HS3ST4: variants seen among roughly 807,000 people sequenced by gnomAD.
The protein encoded by HS3ST4 is heparan sulfate glucosamine 3-O-sulfotransferase 4.
In HS3ST4, 17 loss-of-function variants were observed where a neutral mutation model predicts 29.2. The ratio of observed to expected loss-of-function variants is 0.58; its 90% CI spans 0.40 to 0.87. The LOEUF (loss-of-function observed/expected upper bound fraction) is 0.87. Ranked by LOEUF, HS3ST4 falls within the 40% of genes least tolerant of loss-of-function variation. HS3ST4 has a pLI of 0.00. For synonymous variants in HS3ST4, 314 were observed against 285.7 expected, an observed-to-expected ratio of 1.10 and a Z score of -1.00; for missense variants, 627 against 634.5, an observed-to-expected ratio of 0.99 and a Z score of 0.13.
intron 1 of HS3ST4, among the ~76,000 whole-genome samples, chr16:25,996,111 G>A (rs1042513272): frequency 6.6e-6 from 1 of 151,922 alleles, no homozygotes; most frequent in African/African-American, 2.4e-5. Flanking sequence ...GCAAAGAAAC[G>A]ATGAGAGACC....
At chr16:26,103,391 A>C (rs994973359) in intron 1 of HS3ST4, among the ~76,000 whole-genome samples, 1 of 152,126 alleles carries the variant, frequency 6.6e-6, no homozygotes, top group Non-Finnish European at 1.5e-5. Context: ...TGGAATTACA[A>C]TTCTTCTCTA....
intron 1 of HS3ST4, among the ~76,000 whole-genome samples, chr16:25,722,123 T>G (rs1264032603): frequency 1.3e-5 from 2 of 152,252 alleles, no homozygotes; most frequent in African/African-American, 2.4e-5. Flanking sequence ...CCTGAAGGAT[T>G]CTACTGGGAG....
chr16:25,744,563 A>G (rs897700544), intron 1 of HS3ST4, among the ~76,000 whole-genome samples: 16 of 151,994 alleles, frequency 1.1e-4, no homozygotes, highest in African/African-American at 3.9e-4. Flanking sequence ...TATCATCATC[A>G]TCATCATCAT....
At chr16:26,062,342 A>G (rs1375793520) in intron 1 of HS3ST4, among the ~76,000 whole-genome samples, 1 of 152,168 alleles carries the variant, frequency 6.6e-6, no homozygotes, top group Non-Finnish European at 1.5e-5. Context: ...GGTAGTCATA[A>G]CTTTGTCAAC....
chr16:25,847,895 A>C (rs1967481771), intron 1 of HS3ST4, among the ~76,000 whole-genome samples: 1 of 152,038 alleles, frequency 6.6e-6, no homozygotes, highest in African/African-American at 2.4e-5. Context: ...ATTTGTTACA[A>C]TTTTTGGTAT....
At chr16:26,120,942 GA>G (rs1899267405) in intron 1 of HS3ST4, among the ~76,000 whole-genome samples, 1 of 152,194 alleles carries the variant, frequency 6.6e-6, no homozygotes, top group African/African-American at 2.4e-5. Context: ...GTGTAATAGC[GA>G]CAATAATTAA....
intron 1 of HS3ST4, among the ~76,000 whole-genome samples, chr16:25,763,770 C>T (rs1395185630): frequency 6.6e-6 from 1 of 152,150 alleles, no homozygotes; most frequent in African/African-American, 2.4e-5. Flanking sequence ...GATGCCACCA[C>T]ATATAAACAG....
intron 1 of HS3ST4, among the ~76,000 whole-genome samples, chr16:25,846,059 G>C (rs1967463431): frequency 6.6e-6 from 1 of 152,198 alleles, no homozygotes; most frequent in African/African-American, 2.4e-5. Flanking sequence ...GAGAAGCCTA[G>C]AGGTAGGAGG....
At chr16:25,804,333 T>TCAAAG (rs1966968973) in intron 1 of HS3ST4, among the ~76,000 whole-genome samples, 2 of 152,144 alleles carry the variant, frequency 1.3e-5, no homozygotes, top group Non-Finnish European at 2.9e-5. Flanking sequence ...TGCAAATTTG[T>TCAAAG]TTTGCTCAAC....
chr16:25,795,633 T>C (rs1966882383), intron 1 of HS3ST4, among the ~76,000 whole-genome samples: 1 of 152,170 alleles, frequency 6.6e-6, no homozygotes, highest in Non-Finnish European at 1.5e-5. Context: ...GTAATTTCAA[T>C]TGGATGTTGG....
chr16:25,847,066 C>T (rs1967474459), intron 1 of HS3ST4, among the ~76,000 whole-genome samples: 1 of 149,002 alleles, frequency 6.7e-6, no homozygotes, highest in African/African-American at 2.5e-5. Flanking sequence ...ATTTTACAGG[C>T]AGTTTATTAG....
intron 1 of HS3ST4, among the ~76,000 whole-genome samples, chr16:26,002,106 A>G (rs1355813513): frequency 6.6e-6 from 1 of 152,172 alleles, no homozygotes. Flanking sequence ...AGAAACATGG[A>G]AGAGAATGAA....
At chr16:25,743,383 A>G (rs1966666911) in intron 1 of HS3ST4, among the ~76,000 whole-genome samples, 1 of 152,248 alleles carries the variant, frequency 6.6e-6, no homozygotes, top group Admixed American at 6.5e-5. Context: ...GTGTTATCAC[A>G]TAATCACTTT....
In HS3ST4 at chr16:25,904,073, T is replaced by A. The variant is rs150880150; in HGVS notation, c.734+210922T>A. Among the ~76,000 whole-genome samples the A allele has an allele frequency of 3.8e-3, 574 of 151,142 alleles. 3 individuals are homozygous for A. The highest frequency in any genetic ancestry group is 0.013 in the African/African-American group (539 of 40,568). On this transcript the variant is annotated intron_variant, in intron 1 of 1. Coordinates refer to ENST00000331351, the MANE Select transcript of HS3ST4 (RefSeq NM_006040.3). ...AACGATGGATGGATGACTGGATGAA[T>A]AGATGGATGGATGCATGGATGAATG...
intron 1 of HS3ST4, among the ~76,000 whole-genome samples, chr16:25,723,173 C>A (rs892436645): frequency 2.0e-5 from 3 of 152,156 alleles, no homozygotes; most frequent in Admixed American, 1.3e-4. Context: ...AATTCAAGAT[C>A]AGATTTGGGT....
At chr16:25,719,939 G>A (rs1249352063) in intron 1 of HS3ST4, among the ~76,000 whole-genome samples, 1 of 152,196 alleles carries the variant, frequency 6.6e-6, no homozygotes, top group Non-Finnish European at 1.5e-5. Context: ...AATGCTCATT[G>A]TAGTGTCTGG....
chr16:25,789,476 TTC>T (rs1966864251), intron 1 of HS3ST4, among the ~76,000 whole-genome samples: 6 of 144,354 alleles, frequency 4.2e-5, no homozygotes, highest in East Asian at 2.0e-4. Context: ...CCTTCTTTCT[TTC>T]TTTCTCTTTC....
chr16:25,822,246 G>A (rs1967165216), intron 1 of HS3ST4, among the ~76,000 whole-genome samples: 1 of 152,154 alleles, frequency 6.6e-6, no homozygotes, highest in African/African-American at 2.4e-5. Context: ...AGCAGATCTG[G>A]TGTCTGGTGA....
chr16:25,810,891 A>AG (rs1354162661), intron 1 of HS3ST4, among the ~76,000 whole-genome samples: 1 of 152,166 alleles, frequency 6.6e-6, no homozygotes, highest in East Asian at 1.9e-4. Context: ...TTTAAGTGTG[A>AG]GAAAAAGCAA....
Sources: allele counts gnomAD v4.1 joint callset (sites outside exome capture counted in the v4.1 genomes callset), GRCh38; gene constraint gnomAD v4.1.1; transcripts MANE v1.5; gene names NCBI Gene and HGNC (gene_info 2026-07-23, HGNC 2026-07-21).